The following CDK14 variants were observed in gnomAD, a reference collection of about 807,000 sequenced individuals.
The protein encoded by CDK14 is cyclin-dependent kinase 14.
CDK14 carries 34 observed loss-of-function variants against 60.7 expected under a neutral mutation model. That is an observed-to-expected ratio of 0.56 (90% confidence interval 0.43 to 0.75). The LOEUF (loss-of-function observed/expected upper bound fraction) is 0.75. CDK14 is among the 30% of genes least tolerant of loss of function. CDK14 has a pLI of 0.00. For missense variants in CDK14, 482 were observed against 564.1 expected (o/e 0.85, Z 1.47); for synonymous variants, 197 against 203.7 (o/e 0.97, Z 0.28).
At chr7:91,127,053 G>A (rs17163607) in intron 14 of CDK14, among the ~76,000 whole-genome samples, 1 of 152,014 alleles carries the variant, frequency 6.6e-6, no homozygotes, top group South Asian at 2.1e-4. Flanking sequence ...GAAAGCTCTC[G>A]GCTCATTAGC....
chr7:90,800,284 A>G (rs1788588942), intron 5 of CDK14, among the ~76,000 whole-genome samples: 1 of 152,198 alleles, frequency 6.6e-6, no homozygotes, highest in Non-Finnish European at 1.5e-5. Flanking sequence ...ATAAAGGAAA[A>G]AGAACAACTT....
intron 4 of CDK14, among the ~76,000 whole-genome samples, chr7:90,765,718 T>C (rs1804529515): frequency 6.6e-6 from 1 of 152,024 alleles, no homozygotes; most frequent in Non-Finnish European, 1.5e-5. Flanking sequence ...AAGCTACTCT[T>C]TTTAGCAGTG....
intron 9 of CDK14, among the ~76,000 whole-genome samples, chr7:90,975,477 G>C (rs1404016029): frequency 6.6e-6 from 1 of 151,456 alleles, no homozygotes; most frequent in Non-Finnish European, 1.5e-5. Context: ...ATTTCTTTGT[G>C]TTGGAAACAT....
rs527342000 is a variant in CDK14 at position 90,902,686 on chromosome 7, C to T, written c.702+3333C>T. On this transcript the variant is annotated intron_variant, in intron 7 of 14. Transcript: ENST00000380050. ...ACATGGGAGAAACACTTCAGGGCTT[C>T]GGTCTAGGAAAAGATTCTATGACTA... is the stretch of plus-strand genomic sequence containing the variant. Among the ~76,000 whole-genome samples the T allele has an allele frequency of 6.6e-5, 10 of 152,026 alleles. No individual in the cohort carries two copies. The South Asian group carries it at 1.2e-3, about 19-fold the overall frequency.
Position 90,688,650 on chromosome 7 carries a change from G to A in CDK14, c.124-37917G>A, listed in dbSNP as rs148331550. Among the ~76,000 whole-genome samples the A allele has an allele frequency of 1.4e-4, 22 of 152,162 alleles. No homozygotes were observed. The South Asian group carries it at 1.9e-3, about 13-fold the overall frequency. On this transcript the variant is annotated intron_variant, in intron 2 of 14. Transcript: ENST00000380050. ...AAAAGTAAACTAGAAAAGATATTCC[G>A]TGACATATTTAAAGTTTATTATGGT...
intron 14 of CDK14, among the ~76,000 whole-genome samples, chr7:91,136,952 A>AAC (rs561906311): frequency 1.3e-4 from 20 of 152,330 alleles, no homozygotes; most frequent in Middle Eastern, 6.8e-3. Context: ...TCTAAGAGAA[A>AAC]AGTTATGCCC....
chr7:91,194,086 C>A (rs1802457106), intron 14 of CDK14, among the ~76,000 whole-genome samples: 1 of 152,126 alleles, frequency 6.6e-6, no homozygotes, highest in Non-Finnish European at 1.5e-5. Context: ...TGGCTTTGTT[C>A]TCCTGTGCAT....
chr7:90,882,957 G>A (rs1374881441), intron 6 of CDK14, among the ~76,000 whole-genome samples: 1 of 152,078 alleles, frequency 6.6e-6, no homozygotes, highest in African/African-American at 2.4e-5. Context: ...TGAGAGGGAA[G>A]TTTATAGCAC....
chr7:90,676,078 G>A (rs1402734569), intron 2 of CDK14, among the ~76,000 whole-genome samples: 1 of 152,178 alleles, frequency 6.6e-6, no homozygotes, highest in Non-Finnish European at 1.5e-5. Context: ...CTATATGCCT[G>A]TAATCTCTTA....
At chr7:90,870,108 A>G (rs2117244158) in intron 6 of CDK14, among the ~76,000 whole-genome samples, 1 of 152,324 alleles carries the variant, frequency 6.6e-6, no homozygotes, top group East Asian at 1.9e-4. Flanking sequence ...TTCATAAAAT[A>G]CCATTGACTG....
chr7:90,924,324 T>G (rs1402859996), intron 8 of CDK14, among the ~76,000 whole-genome samples: 2 of 152,196 alleles, frequency 1.3e-5, no homozygotes, highest in African/African-American at 4.8e-5. Context: ...GGGAGAACCC[T>G]CAAGACCCAA....
At chr7:90,700,079 A>C (rs931119253) in intron 2 of CDK14, among the ~76,000 whole-genome samples, 1 of 152,058 alleles carries the variant, frequency 6.6e-6, no homozygotes, top group African/African-American at 2.4e-5. Flanking sequence ...ACATAGGTGG[A>C]AAAAAAGTTT....
intron 11 of CDK14, among the ~76,000 whole-genome samples, chr7:91,048,909 A>AT (rs1292965124): frequency 6.6e-6 from 1 of 151,832 alleles, no homozygotes; most frequent in Non-Finnish European, 1.5e-5. Context: ...ATTTTTAGCG[A>AT]TGCTGCCCAG....
At chr7:91,039,205 C>T (rs1427737292) in intron 10 of CDK14, among the ~76,000 whole-genome samples, 2 of 152,088 alleles carry the variant, frequency 1.3e-5, no homozygotes, top group Non-Finnish European at 1.5e-5. Flanking sequence ...CCCCACCGCG[C>T]TCATTACACC....
At chr7:90,668,347 G>C (rs1801027170) in intron 2 of CDK14, among the ~76,000 whole-genome samples, 1 of 152,096 alleles carries the variant, frequency 6.6e-6, no homozygotes, top group Non-Finnish European at 1.5e-5. Flanking sequence ...TCCTAGCCTA[G>C]TTTTTAAGTA....
In CDK14 at chr7:91,081,426, T is replaced by C. The variant is rs147639527; in HGVS notation, c.1154+1946T>C. Among the ~76,000 whole-genome samples the C allele has an allele frequency of 6.3e-3, 959 of 152,322 alleles. 6 individuals are homozygous for C. Among genetic ancestry groups the C allele is most frequent in the Non-Finnish European group, 0.011 (759 of 68,006 alleles). Reference sequence around the variant, plus strand: ...GTTAAATTCTCTTGTACAGTGGTAATAGGTTTAAAATAAATTGAACTAATT... The same window carrying C: ...GTTAAATTCTCTTGTACAGTGGTAACAGGTTTAAAATAAATTGAACTAATT... On this transcript the variant is annotated intron_variant, in intron 12 of 14. Transcript: ENST00000380050.
intron 10 of CDK14, among the ~76,000 whole-genome samples, chr7:91,005,217 G>A (rs1168257799): frequency 2.6e-5 from 4 of 152,244 alleles, no homozygotes; most frequent in Admixed American, 2.6e-4. Context: ...CTAGCAGGCT[G>A]AGGCTGGTGA....
chr7:90,802,375 T>C (rs1788673989), intron 5 of CDK14, among the ~76,000 whole-genome samples: 2 of 152,226 alleles, frequency 1.3e-5, no homozygotes, highest in Admixed American at 6.5e-5. Flanking sequence ...ACACTATTTG[T>C]AGCATCATTG....
chr7:91,153,493 A>G (rs1800882939), intron 14 of CDK14, among the ~76,000 whole-genome samples: 1 of 152,190 alleles, frequency 6.6e-6, no homozygotes, highest in South Asian at 2.1e-4. Flanking sequence ...ATGCCCACCA[A>G]TGATAGACTA....
Sources: allele counts gnomAD v4.1 joint callset (sites outside exome capture counted in the v4.1 genomes callset), GRCh38; gene constraint gnomAD v4.1.1; transcripts MANE v1.5; gene names NCBI Gene and HGNC (gene_info 2026-07-23, HGNC 2026-07-21).